Variants in RNLS observed in about 807,000 individuals in gnomAD.
RNLS encodes renalase.
A neutral mutation model predicts 39.8 loss-of-function variants in RNLS; 39 were observed. The observed-to-expected ratio is 0.98, with a 90% confidence interval of 0.76 to 1.28. The LOEUF is 1.28. Ranked by LOEUF, RNLS falls within the 50% of genes most tolerant of loss-of-function variation. The pLI is 0.00. For missense variants in RNLS, 410 were observed against 413.3 expected (o/e 0.99, Z 0.07); for synonymous variants, 147 against 150.7 (o/e 0.98, Z 0.18).
At chr10:88,529,899 G>T (rs184941296) in intron 4 of RNLS, among the ~76,000 whole-genome samples, 3 of 152,214 alleles carry the variant, frequency 2.0e-5, no homozygotes, top group Admixed American at 6.5e-5. Flanking sequence ...CCACTATCCT[G>T]AAATTGTTAG....
At chr10:88,230,930 G>C in the RNLS span, among the ~76,000 whole-genome samples, 70 of 152,286 alleles carry the variant, frequency 4.6e-4, no homozygotes, top group Non-Finnish European at 4.3e-4. Flanking sequence ...TAGCCAGTAG[G>C]TAGTCAGGCC....
chr10:88,482,790 C>T lies in RNLS; in HGVS notation c.526+90113G>A, dbSNP rs183757892. Among the ~76,000 whole-genome samples the T allele has an allele frequency of 4.9e-4, 74 of 152,112 alleles. 2 individuals are homozygous for T. In the East Asian group the frequency reaches 0.01, roughly 21 times the overall value. ...AGAAACTCTGGAGTACAACCTTTTC[C>T]CTGAAAGTAGTTGTTGTTTTTTATT... On this transcript the variant is annotated intron_variant, in intron 4 of 6. Transcript: ENST00000331772.
rs752866930 is a variant in RNLS at position 88,583,104 on chromosome 10, G to C, written c.87C>G (p.Tyr29Ter). 1 of 1,614,104 alleles carries C rather than the reference G, an allele frequency of 6.2e-7. No homozygotes were observed. The highest frequency in any genetic ancestry group is 1.1e-5 in the South Asian group (1 of 91,080). The change falls in exon 1 of 7, where the codon TAC (tyrosine) becomes TAG (stop). Residue 29 changes from tyrosine (Y) to a stop codon, truncating the protein, a stop_gained. Coordinates refer to ENST00000331772, the MANE Select transcript of RNLS (RefSeq NM_001031709.3). LOFTEE classifies it high-confidence loss of function. ...CCTCAGCCTTGTCCCACACAGCAAG[G>C]TACAAGGGACCGGACGTCTGCCTCC... ...LLRRQTSGPL[Y>*]LAVWDKAEDS...
At chr10:88,449,602 T>G (rs542817146) in intron 4 of RNLS, among the ~76,000 whole-genome samples, 1 of 152,174 alleles carries the variant, frequency 6.6e-6, no homozygotes, top group South Asian at 2.1e-4. Context: ...CAGCTCTTAG[T>G]ACTCAATAAA....
chr10:88,347,880 T>C (rs979627669), intron 5 of RNLS, among the ~76,000 whole-genome samples: 1 of 152,164 alleles, frequency 6.6e-6, no homozygotes, highest in African/African-American at 2.4e-5. Flanking sequence ...CCTCCCATTT[T>C]CAAACTAGCA....
intron 5 of RNLS, among the ~76,000 whole-genome samples, chr10:88,357,374 A>C (rs1849271619): frequency 6.6e-6 from 1 of 152,192 alleles, no homozygotes; most frequent in African/African-American, 2.4e-5. Context: ...CTTGAGAGGT[A>C]AATGTATCTC....
intron 4 of RNLS, among the ~76,000 whole-genome samples, chr10:88,448,284 T>C (rs891098356): frequency 2.6e-5 from 4 of 151,882 alleles, no homozygotes; most frequent in African/African-American, 9.7e-5. Flanking sequence ...ATATCCAGAA[T>C]CTACAAAGAA....
chr10:88,367,066 A>C (rs1430151503), intron 4 of RNLS, among the ~76,000 whole-genome samples: 2 of 151,954 alleles, frequency 1.3e-5, no homozygotes, highest in Non-Finnish European at 2.9e-5. Flanking sequence ...TGTACACATA[A>C]ATATATAATA....
At chr10:88,524,199 T>G (rs1355700778) in intron 4 of RNLS, among the ~76,000 whole-genome samples, 1 of 152,090 alleles carries the variant, frequency 6.6e-6, no homozygotes, top group Non-Finnish European at 1.5e-5. Context: ...GATGGCTTCC[T>G]GGGCCCTGCT....
At chr10:88,308,240 C>A (rs915630335) in intron 6 of RNLS, among the ~76,000 whole-genome samples, 1 of 151,882 alleles carries the variant, frequency 6.6e-6, no homozygotes, top group Non-Finnish European at 1.5e-5. Flanking sequence ...GGCAAAGATG[C>A]CAAAAGCAAT....
chr10:88,220,822 C>T, the RNLS span, among the ~76,000 whole-genome samples: 6 of 152,178 alleles, frequency 3.9e-5, no homozygotes, highest in South Asian at 1.2e-3. Flanking sequence ...ACATAATTAT[C>T]TCATTCAATT....
At chr10:88,490,520 C>T (rs942801892) in intron 4 of RNLS, among the ~76,000 whole-genome samples, 1 of 152,158 alleles carries the variant, frequency 6.6e-6, no homozygotes, top group Non-Finnish European at 1.5e-5. Context: ...ATCCTGTTTA[C>T]TGTTAGCAAA....
At chr10:88,577,648 A>C (rs1452877942) in intron 3 of RNLS, among the ~76,000 whole-genome samples, 1 of 152,210 alleles carries the variant, frequency 6.6e-6, no homozygotes, top group Non-Finnish European at 1.5e-5. Flanking sequence ...CTAGTATAAA[A>C]AAAGAACAAA....
chr10:88,525,195 C>A (rs1472170526), intron 4 of RNLS, among the ~76,000 whole-genome samples: 6 of 151,370 alleles, frequency 4.0e-5, no homozygotes, highest in Non-Finnish European at 8.8e-5. Flanking sequence ...TCATTCTATA[C>A]CCTATCCCAT....
intron 4 of RNLS, among the ~76,000 whole-genome samples, chr10:88,424,463 A>C (rs1256644557): frequency 6.6e-6 from 1 of 152,032 alleles, no homozygotes; most frequent in East Asian, 1.9e-4. Context: ...TGGACTATGC[A>C]TCTGTCAGAT....
At chr10:88,308,015 C>G (rs1022505170) in intron 6 of RNLS, among the ~76,000 whole-genome samples, 1 of 152,078 alleles carries the variant, frequency 6.6e-6, no homozygotes. Flanking sequence ...TTGACAAAAA[C>G]AAGCAATGGG....
At chr10:88,281,342 G>C (rs1843002980), downstream of RNLS, among the ~76,000 whole-genome samples, 2 of 152,272 alleles carry the variant, frequency 1.3e-5, no homozygotes, top group East Asian at 3.9e-4. Context: ...CTCTGTATTT[G>C]TTCAGGGATC....
intron 6 of RNLS, among the ~76,000 whole-genome samples, chr10:88,293,638 A>G: frequency 6.6e-6 from 1 of 152,192 alleles, no homozygotes; most frequent in East Asian, 1.9e-4. Context: ...AAGAATTAAA[A>G]GATAACAATA....
chr10:88,565,323 C>T (rs1471487354), intron 4 of RNLS, among the ~76,000 whole-genome samples: 1 of 151,896 alleles, frequency 6.6e-6, no homozygotes, highest in Non-Finnish European at 1.5e-5. Flanking sequence ...TTCACAGAAG[C>T]CTAAGACGTC....
Sources: gnomAD v4.1 joint callset for allele counts (sites outside exome capture counted in the v4.1 genomes callset) on GRCh38, gnomAD v4.1.1 for gene constraint, MANE v1.5 for transcripts, NCBI Gene and HGNC (gene_info 2026-07-23, HGNC 2026-07-21) for gene names.